SESN1: variants seen among roughly 807,000 people sequenced by gnomAD.
SESN1 encodes sestrin-1.
In SESN1, 30 loss-of-function variants were observed where a neutral mutation model predicts 59.3. The ratio of observed to expected loss-of-function variants is 0.51; its 90% confidence interval spans 0.38 to 0.69. The LOEUF (loss-of-function observed/expected upper bound fraction) is 0.69, where lower values mean the gene tolerates loss of function less well. SESN1 is among the 30% of genes least tolerant of loss of function. The pLI is 0.00. For synonymous variants in SESN1, 197 were observed against 219.9 expected (o/e 0.90, Z 0.92); for missense variants, 566 against 673.0 (o/e 0.84, Z 1.76).
intron 7 of SESN1, among the ~76,000 whole-genome samples, chr6:108,992,037 A>C (rs1184855162): frequency 6.6e-6 from 1 of 152,184 alleles, no homozygotes; most frequent in Non-Finnish European, 1.5e-5. Context: ...TGATGTCTTC[A>C]ATTTCTAATC....
At chr6:109,041,759 T>G (rs923966150) in intron 1 of SESN1, among the ~76,000 whole-genome samples, 6 of 152,006 alleles carry the variant, frequency 3.9e-5, no homozygotes, top group Non-Finnish European at 7.4e-5. Flanking sequence ...AGCAGGAGAC[T>G]TCAACATTCC....
intron 1 of SESN1, among the ~76,000 whole-genome samples, chr6:109,056,050 G>C (rs1439554291): frequency 6.6e-6 from 1 of 152,184 alleles, no homozygotes; most frequent in Admixed American, 6.5e-5. Context: ...ATTTCTGTTA[G>C]CTAGCTAGGT....
chr6:109,042,510 A>C (rs925193773), intron 1 of SESN1, among the ~76,000 whole-genome samples: 1 of 151,382 alleles, frequency 6.6e-6, no homozygotes, highest in Admixed American at 6.6e-5. Flanking sequence ...ATCTATTAGG[A>C]ATGAAACAGA....
chr6:109,023,360 A>G (rs1271667596), intron 1 of SESN1, among the ~76,000 whole-genome samples: 1 of 152,244 alleles, frequency 6.6e-6, no homozygotes, highest in African/African-American at 2.4e-5. Flanking sequence ...AAAAGTTTGT[A>G]AATGTTATCA....
At chr6:108,994,140 T>TAAAAAAAAAAA (rs764125940) in intron 6 of SESN1, among the ~76,000 whole-genome samples, 10 of 100,226 alleles carry the variant, frequency 1.0e-4, no homozygotes, top group Non-Finnish European at 1.4e-4. Flanking sequence ...CCCTGTTTCT[T>TAAAAAAAAAAA]AAAAAAAAAA....
In SESN1 at chr6:109,087,126, A is replaced by G. The variant is rs373363068; in HGVS notation, c.279+6669T>C. ...AGCCTGGGCGACAGAGCAAGACAGCATCTCAAAATAAATAAATAAACAAAA... is the reference window on the plus strand; with the variant it reads ...AGCCTGGGCGACAGAGCAAGACAGCGTCTCAAAATAAATAAATAAACAAAA... On this transcript the variant is annotated intron_variant, in intron 1 of 9. Transcript: ENST00000436639. Among the ~76,000 whole-genome samples the G allele has an allele frequency of 2.6e-5, 4 of 152,216 alleles. No individual in the cohort carries two copies. In the South Asian group the frequency reaches 8.3e-4, roughly 31 times the overall value.
chr6:109,094,088 C>T lies in SESN1; in HGVS notation c.-15G>A. ...CCTTCAGCCATGACAATAGTTTTTC[C>T]TTTGCGGTCTTCAGTTACCTTTCAG... is the stretch of plus-strand genomic sequence containing the variant. On this transcript the variant is annotated 5_prime_UTR_variant, in exon 1 of 10. Coordinates refer to ENST00000436639, the MANE Select transcript of SESN1 (RefSeq NM_014454.3). 1 of 1,600,624 alleles carries T rather than the reference C, an allele frequency of 6.2e-7. No individual in the cohort carries two copies. The highest frequency in any genetic ancestry group is 8.5e-7 in the Non-Finnish European group (1 of 1,171,030).
chr6:109,070,306 G>C (rs553033611), intron 1 of SESN1, among the ~76,000 whole-genome samples: 1 of 152,170 alleles, frequency 6.6e-6, no homozygotes, highest in Non-Finnish European at 1.5e-5. Flanking sequence ...TCAGGTACTT[G>C]GAACCGTAGG....
intron 1 of SESN1, among the ~76,000 whole-genome samples, chr6:109,030,230 C>T (rs1202476919): frequency 6.6e-6 from 1 of 151,986 alleles, no homozygotes; most frequent in Non-Finnish European, 1.5e-5. Flanking sequence ...TAGGACCCCC[C>T]GATCTAAGAA....
chr6:109,084,939 T>C (rs1262013284), intron 1 of SESN1, among the ~76,000 whole-genome samples: 1 of 152,096 alleles, frequency 6.6e-6, no homozygotes, highest in Non-Finnish European at 1.5e-5. Flanking sequence ...ATTTTAATAA[T>C]AAAATACCAA....
chr6:109,082,810 T>C (rs1781148288), intron 1 of SESN1, among the ~76,000 whole-genome samples: 1 of 152,208 alleles, frequency 6.6e-6, no homozygotes, highest in Admixed American at 6.5e-5. Flanking sequence ...GCGGGATGTA[T>C]GAAAGTCAAT....
chr6:109,094,038 TC>T lies in SESN1; in HGVS notation c.35del (p.Gly12AspfsTer22). ...TAGTAGTTGAATCTCTGCTGCAGAG[TC>T]CATCCCATCTCACTTCATTCTCTCC... ...AEGENEVRWD[G>X]LCSRDSTTRE... On this transcript the variant is annotated frameshift_variant, in exon 1 of 10. Transcript: ENST00000436639. LOFTEE classifies it high-confidence loss of function. 6.2e-7 allele frequency: 1 copy of T among 1,614,062 alleles called. No individual in the cohort carries two copies. The highest frequency in any genetic ancestry group is 8.5e-7 in the Non-Finnish European group (1 of 1,179,984).
intron 1 of SESN1, among the ~76,000 whole-genome samples, chr6:109,009,716 T>A (rs1583270870): frequency 6.6e-6 from 1 of 151,550 alleles, no homozygotes; most frequent in Non-Finnish European, 1.5e-5. Context: ...CGCGGCGAGG[T>A]GAAAAATCAC....
chr6:108,990,760 T>C lies in SESN1; in HGVS notation c.1309A>G (p.Lys437Glu), dbSNP rs927070728. Residue 437 changes from lysine to glutamate, a missense_variant, in exon 8 of 10, where the codon AAA (lysine) becomes GAA (glutamate). Transcript: ENST00000436639. Reference sequence around the variant, plus strand: ...GTAAGATTGTAAGCAATGTGAAATTTTTCATCAATCAACTGTCCCACATCT... The same window carrying C: ...GTAAGATTGTAAGCAATGTGAAATTCTTCATCAATCAACTGTCCCACATCT... ...YPDVGQLIDE[K>E]FHIAYNLTYN... 4 of 1,614,026 alleles carry C rather than the reference T, an allele frequency of 2.5e-6. No individual in the cohort carries two copies. In the African/African-American group the frequency reaches 5.3e-5, roughly 22 times the overall value.
chr6:109,031,829 C>A (rs1248576224), intron 1 of SESN1, among the ~76,000 whole-genome samples: 3 of 152,074 alleles, frequency 2.0e-5, no homozygotes, highest in African/African-American at 4.8e-5. Flanking sequence ...GGCTGAGTAT[C>A]CCCTATACCA....
intron 1 of SESN1, among the ~76,000 whole-genome samples, chr6:109,089,152 G>A (rs931412877): frequency 2.6e-5 from 4 of 151,720 alleles, no homozygotes; most frequent in African/African-American, 9.7e-5. Context: ...AGCCCTTTTA[G>A]CTGACCTATA....
chr6:109,026,783 G>A (rs1247487002), intron 1 of SESN1, among the ~76,000 whole-genome samples: 4 of 152,140 alleles, frequency 2.6e-5, no homozygotes, highest in Non-Finnish European at 5.9e-5. Flanking sequence ...GATTGCAGGC[G>A]TGAGCCACTG....
At chr6:109,078,506 T>A (rs898648537) in intron 1 of SESN1, among the ~76,000 whole-genome samples, 5 of 152,208 alleles carry the variant, frequency 3.3e-5, no homozygotes, top group Non-Finnish European at 7.3e-5. Flanking sequence ...ATAAATATAT[T>A]AACATGTACA....
At chr6:109,085,522 C>T (rs1781200284) in intron 1 of SESN1, among the ~76,000 whole-genome samples, 1 of 151,306 alleles carries the variant, frequency 6.6e-6, no homozygotes, top group South Asian at 2.1e-4. Context: ...CCGTCACACA[C>T]ACACACACAC....
Sources: allele counts gnomAD v4.1 joint callset (sites outside exome capture counted in the v4.1 genomes callset), GRCh38; gene constraint gnomAD v4.1.1; transcripts MANE v1.5; gene names NCBI Gene and HGNC (gene_info 2026-07-23, HGNC 2026-07-21).